The following NRF1 variants were observed in gnomAD, a reference collection of about 807,000 sequenced individuals.
NRF1 encodes nuclear respiratory factor 1.
A neutral mutation model predicts 58.5 loss-of-function variants in NRF1; 5 were observed. The observed-to-expected ratio is 0.09, with a 90% CI of 0.04 to 0.18. The LOEUF (loss-of-function observed/expected upper bound fraction) is 0.18, where lower values mean the gene tolerates loss of function less well. NRF1 is among the 10% of genes least tolerant of loss of function. NRF1 has a pLI of 1.00. For synonymous variants in NRF1, 224 were observed against 246.7 expected, an observed-to-expected ratio of 0.91 and a Z score of 0.86; for missense variants, 288 against 657.7, an observed-to-expected ratio of 0.44 and a Z score of 6.15.
In NRF1 at chr7:129,719,497, A is replaced by AACACACACACACACACACAC. The variant is rs67443980; in HGVS notation, c.1223+2149_1223+2168dup. Among the ~76,000 whole-genome samples, 181 of 141,992 alleles carry AACACACACACACACACACAC rather than the reference A, an allele frequency of 1.3e-3. 1 individual carries two copies. Among genetic ancestry groups the AACACACACACACACACACAC allele is most frequent in the South Asian group, 1.8e-3 (8 of 4,384 alleles). 93.2% of individuals were successfully genotyped at this position (141,992 alleles called of 152,430 possible). On this transcript the variant is annotated intron_variant, in intron 9 of 10. Transcript: ENST00000393232. ...TGGTTGATTAGGAATAGGAAACTGA[A>AACACACACACACACACACAC]ACACACACACACACACACACACACA...
chr7:129,663,298 C>T (rs573397991), intron 2 of NRF1, among the ~76,000 whole-genome samples: 42 of 152,216 alleles, frequency 2.8e-4, no homozygotes, highest in East Asian at 7.8e-4. Context: ...ACTTCCCAGA[C>T]GGGGCGGCCG....
chr7:129,626,365 G>A (rs1394540545), intron 1 of NRF1, among the ~76,000 whole-genome samples: 3 of 151,948 alleles, frequency 2.0e-5, no homozygotes, highest in African/African-American at 4.8e-5. Context: ...TTTGCGTTCT[G>A]GACATCATTT....
chr7:129,616,956 CAAA>C (rs1051724850), intron 1 of NRF1, among the ~76,000 whole-genome samples: 1 of 151,890 alleles, frequency 6.6e-6, no homozygotes, highest in Admixed American at 6.6e-5. Flanking sequence ...GAAATATTCT[CAAA>C]AAAAGTTGTA....
intron 2 of NRF1, among the ~76,000 whole-genome samples, chr7:129,669,928 G>A (rs575650908): frequency 6.6e-6 from 1 of 152,310 alleles, no homozygotes; most frequent in South Asian, 2.1e-4. Flanking sequence ...ATAGCAAGAT[G>A]TGAAAATAGC....
At chr7:129,645,201 C>T (rs1448786969) in intron 1 of NRF1, among the ~76,000 whole-genome samples, 1 of 152,168 alleles carries the variant, frequency 6.6e-6, no homozygotes, top group Non-Finnish European at 1.5e-5. Flanking sequence ...ATTTTGTCCC[C>T]AGTAATTCTA....
chr7:129,662,416 GTGTGTGTT>G (rs1307124016), intron 2 of NRF1, among the ~76,000 whole-genome samples: 3 of 116,200 alleles, frequency 2.6e-5, no homozygotes, highest in African/African-American at 1.0e-4. Context: ...GTGTGTGTGT[GTGTGTGTT>G]TCCTCCGAGA....
chr7:129,686,958 C>G (rs1802456394), intron 4 of NRF1, among the ~76,000 whole-genome samples: 1 of 152,184 alleles, frequency 6.6e-6, no homozygotes, highest in Non-Finnish European at 1.5e-5. Flanking sequence ...TGACACAATG[C>G]TATCACTTAG....
At chr7:129,745,506 A>ACCCCCCCCCCCCCCCCCCC (rs35406699) in intron 10 of NRF1, among the ~76,000 whole-genome samples, 1 of 112,578 alleles carries the variant, frequency 8.9e-6, no homozygotes, top group African/African-American at 3.4e-5. Context: ...ATCCCCCTCA[A>ACCCCCCCCCCCCCCCCCCC]CCCCCCCCCC....
chr7:129,723,546 T>C (rs577272587), intron 9 of NRF1, among the ~76,000 whole-genome samples: 1 of 152,082 alleles, frequency 6.6e-6, no homozygotes, highest in Non-Finnish European at 1.5e-5. Context: ...TACTAAAAAA[T>C]ATTCATTAAA....
intron 8 of NRF1, among the ~76,000 whole-genome samples, chr7:129,716,024 AG>A (rs1803181588): frequency 6.6e-6 from 1 of 152,134 alleles, no homozygotes; most frequent in African/African-American, 2.4e-5. Flanking sequence ...AAAAAAAAAA[AG>A]CCATTCTATG....
chr7:129,691,081 G>T (rs1478444738), intron 5 of NRF1, among the ~76,000 whole-genome samples: 2 of 151,946 alleles, frequency 1.3e-5, no homozygotes, highest in Non-Finnish European at 2.9e-5. Context: ...AAAGATGAGG[G>T]TCTCACTGTG....
intron 1 of NRF1, among the ~76,000 whole-genome samples, chr7:129,652,752 G>A (rs1047037814): frequency 2.0e-5 from 3 of 151,984 alleles, no homozygotes; most frequent in South Asian, 2.1e-4. Context: ...CACCACTCCC[G>A]GCTAATTTTT....
At chr7:129,638,608 C>A (rs1284427475) in intron 1 of NRF1, among the ~76,000 whole-genome samples, 1 of 151,998 alleles carries the variant, frequency 6.6e-6, no homozygotes, top group Non-Finnish European at 1.5e-5. Flanking sequence ...ATTTTTTATT[C>A]TTATGGGATA....
At chr7:129,726,205 G>T (rs975383061) in intron 9 of NRF1, among the ~76,000 whole-genome samples, 2 of 152,166 alleles carry the variant, frequency 1.3e-5, no homozygotes, top group Non-Finnish European at 2.9e-5. Context: ...TAGTCCCTCA[G>T]TAATTGCAAA....
At chr7:129,646,650 C>T (rs1323166443) in intron 1 of NRF1, among the ~76,000 whole-genome samples, 1 of 152,170 alleles carries the variant, frequency 6.6e-6, no homozygotes, top group Non-Finnish European at 1.5e-5. Flanking sequence ...ACTCCTCTTG[C>T]TGGAGCAATG....
intron 2 of NRF1, among the ~76,000 whole-genome samples, chr7:129,658,682 A>G (rs1029768629): frequency 3.3e-5 from 5 of 151,812 alleles, no homozygotes; most frequent in African/African-American, 4.8e-5. Context: ...TTCTTAGAAC[A>G]CTTGCATTTC....
chr7:129,745,450 T>G (rs532033918), intron 10 of NRF1, among the ~76,000 whole-genome samples: 1 of 151,828 alleles, frequency 6.6e-6, no homozygotes, highest in Non-Finnish European at 1.5e-5. Context: ...AGCACGAACC[T>G]ATTGTGAACT....
In NRF1 at chr7:129,749,997, G is replaced by A. The variant is rs190973555; in HGVS notation, c.1349-5021G>A. 6.6e-3 allele frequency among the ~76,000 whole-genome samples: 1,004 copies of A among 152,204 alleles called. 14 individuals are homozygous for A. The highest frequency in any genetic ancestry group is 0.023 in the African/African-American group (960 of 41,510). On this transcript the variant is annotated intron_variant, in intron 10 of 10. Transcript: ENST00000393232. ...GAGCCCGTGGTTCTGGCTCTGACTC[G>A]TGAAAGGGAAGGAGCCCTGCCCTGT... is the stretch of plus-strand genomic sequence containing the variant.
chr7:129,682,796 T>A (rs1182660549), intron 4 of NRF1, among the ~76,000 whole-genome samples: 2 of 151,938 alleles, frequency 1.3e-5, no homozygotes, highest in Non-Finnish European at 2.9e-5. Context: ...AGTGAGACAA[T>A]GGCCCAAAAA....
Sources: gnomAD v4.1 joint callset for allele counts (sites outside exome capture counted in the v4.1 genomes callset) on GRCh38, gnomAD v4.1.1 for gene constraint, MANE v1.5 for transcripts, NCBI Gene and HGNC (gene_info 2026-07-23, HGNC 2026-07-21) for gene names.